Variants in RFC3 observed in about 807,000 individuals in gnomAD.
The protein encoded by RFC3 is A1 38 kDa subunit.
RFC3 carries 41 observed loss-of-function variants against 45.1 expected under a neutral mutation model. That is an observed-to-expected ratio of 0.91 (90% CI 0.71 to 1.18). The LOEUF (loss-of-function observed/expected upper bound fraction) is 1.18, where lower values mean the gene tolerates loss of function less well. RFC3 is among the 50% of genes most tolerant of loss of function. The pLI, the probability that RFC3 is intolerant of heterozygous loss-of-function variation, is 0.00. For synonymous variants in RFC3, 149 were observed against 144.0 expected, an observed-to-expected ratio of 1.03 and a Z score of -0.25; for missense variants, 423 against 428.1, an observed-to-expected ratio of 0.99 and a Z score of 0.10.
chr13:33,902,721 C>T (rs2082649206), intron 8 of RFC3, among the ~76,000 whole-genome samples: 1 of 151,920 alleles, frequency 6.6e-6, no homozygotes, highest in South Asian at 2.1e-4. Flanking sequence ...TATAGTAGCC[C>T]CTCTATGTCT....
Position 33,908,489 on chromosome 13 carries a change from G to C in RFC3, c.880-57598G>C, listed in dbSNP as rs573688757. Among the ~76,000 whole-genome samples, 9 of 152,006 alleles carry C rather than the reference G, an allele frequency of 5.9e-5. No homozygotes were observed. The South Asian group carries it at 1.9e-3, about 32-fold the overall frequency. On this transcript the variant is annotated intron_variant, in intron 8 of 8. Transcript: ENST00000434425. The stretch of plus-strand genomic sequence containing the variant: ...GGAGATCATCAGCTCCACAAAATTG[G>C]CTGGAGAATTATTATTATTGCAGAG...
At chr13:33,866,457 C>T (rs148665046) in intron 8 of RFC3, among the ~76,000 whole-genome samples, 5 of 152,324 alleles carry the variant, frequency 3.3e-5, no homozygotes, top group Non-Finnish European at 5.9e-5. Context: ...ATTGGAAGCT[C>T]ACTATAGCTT....
chr13:33,904,728 G>A (rs17080117), intron 8 of RFC3, among the ~76,000 whole-genome samples: 5 of 151,830 alleles, frequency 3.3e-5, no homozygotes, highest in Non-Finnish European at 7.4e-5. Context: ...TTCTCTCGCC[G>A]CAATTTCTTC....
At chr13:33,914,991 A>C (rs1385576441) in intron 8 of RFC3, among the ~76,000 whole-genome samples, 1 of 152,176 alleles carries the variant, frequency 6.6e-6, no homozygotes, top group Non-Finnish European at 1.5e-5. Context: ...TTAAATGTGA[A>C]CACCACAAAG....
chr13:33,913,269 C>G (rs17080146), intron 8 of RFC3, among the ~76,000 whole-genome samples: 16,764 of 152,010 alleles, frequency 0.11, 1,216 homozygotes, highest in Admixed American at 0.21. Flanking sequence ...CCAACAGGCT[C>G]TAATTGAGCT....
chr13:33,874,094 C>T (rs937873713), intron 8 of RFC3, among the ~76,000 whole-genome samples: 4 of 152,156 alleles, frequency 2.6e-5, no homozygotes, highest in African/African-American at 4.8e-5. Context: ...TTAATTTATG[C>T]GCCATCATCC....
chr13:33,821,042 C>G, intron 1 of RFC3, 90 bp from the exon 2 acceptor site: 1 of 1,313,946 alleles, frequency 7.6e-7, no homozygotes, highest in Admixed American at 2.1e-5. Flanking sequence ...TGGGTAGACA[C>G]ATAAAATATT....
intron 8 of RFC3, among the ~76,000 whole-genome samples, chr13:33,894,397 C>G (rs565758285): frequency 6.2e-4 from 95 of 152,288 alleles, no homozygotes; most frequent in African/African-American, 2.0e-3. Flanking sequence ...TCTTACCTCA[C>G]AGGAGACCTC....
rs188195181 is a variant in RFC3, at chr13:33,888,932, G to T, written c.879+53715G>T. On this transcript the variant is annotated intron_variant, in intron 8 of 8. Coordinates refer to the RFC3 transcript ENST00000434425. Reference sequence around the variant, plus strand: ...GGCTAATTTTTGTATTTTTAGTAGAGACGGGGTTTCACCGTGTTAGCCAGG... The same window carrying T: ...GGCTAATTTTTGTATTTTTAGTAGATACGGGGTTTCACCGTGTTAGCCAGG... Among the ~76,000 whole-genome samples, 50 of 152,178 alleles carry T rather than the reference G, an allele frequency of 3.3e-4. 1 individual carries two copies. In the South Asian group the frequency reaches 4.6e-3, roughly 14 times the overall value.
At chr13:33,823,709 A>G (rs2139384323) in intron 2 of RFC3, among the ~76,000 whole-genome samples, 1 of 152,222 alleles carries the variant, frequency 6.6e-6, no homozygotes, top group Middle Eastern at 3.4e-3. Context: ...AGTAGTCACA[A>G]TGAAACAGGA....
At chr13:33,883,590 T>C (rs1004551870) in intron 8 of RFC3, among the ~76,000 whole-genome samples, 2 of 152,160 alleles carry the variant, frequency 1.3e-5, no homozygotes, top group African/African-American at 4.8e-5. Flanking sequence ...TCACTATCAA[T>C]ATCCTGGTTG....
chr13:33,888,642 A>G (rs1333844123), intron 8 of RFC3, among the ~76,000 whole-genome samples: 1 of 152,190 alleles, frequency 6.6e-6, no homozygotes, highest in South Asian at 2.1e-4. Context: ...TCCAGATCTC[A>G]TATAGCAGAT....
intron 8 of RFC3, among the ~76,000 whole-genome samples, chr13:33,942,281 A>G (rs1433623756): frequency 6.6e-6 from 1 of 152,132 alleles, no homozygotes; most frequent in Non-Finnish European, 1.5e-5. Flanking sequence ...ATAATGACTA[A>G]TGGCCTGAAG....
intron 8 of RFC3, among the ~76,000 whole-genome samples, chr13:33,961,089 C>G (rs1010309552): frequency 5.9e-5 from 9 of 152,214 alleles, no homozygotes; most frequent in African/African-American, 1.7e-4. Flanking sequence ...TTTATACTTA[C>G]AGTAAAACAT....
intron 8 of RFC3, among the ~76,000 whole-genome samples, chr13:33,965,629 C>A (rs1029320110): frequency 5.9e-5 from 9 of 152,136 alleles, no homozygotes; most frequent in African/African-American, 2.2e-4. Context: ...ATTGTTATTG[C>A]ATTTTTATAA....
intron 8 of RFC3, among the ~76,000 whole-genome samples, chr13:33,913,012 T>G (rs1413344283): frequency 6.6e-5 from 10 of 151,980 alleles, no homozygotes; most frequent in Non-Finnish European, 1.5e-5. Context: ...CAGGGGACAC[T>G]GGGAGAGGGA....
chr13:33,939,957 C>G (rs1422181594), intron 8 of RFC3, among the ~76,000 whole-genome samples: 1 of 152,080 alleles, frequency 6.6e-6, no homozygotes, highest in Admixed American at 6.6e-5. Context: ...TATGTTCACT[C>G]TATTTTTTTC....
chr13:33,919,733 A>G (rs956339978), intron 8 of RFC3, among the ~76,000 whole-genome samples: 2 of 152,154 alleles, frequency 1.3e-5, no homozygotes, highest in African/African-American at 4.8e-5. Flanking sequence ...TGTCAAAATT[A>G]TATTGAAGAG....
At chr13:33,829,674 A>G in intron 4 of RFC3, 162 bp from the exon 5 acceptor site, 1 of 643,520 alleles carries the variant, frequency 1.6e-6, no homozygotes, top group South Asian at 1.8e-5. Flanking sequence ...AAAATAATAA[A>G]GTAATTTTAC....
Sources: gnomAD v4.1 joint callset for allele counts (sites outside exome capture counted in the v4.1 genomes callset) on GRCh38, gnomAD v4.1.1 for gene constraint, MANE v1.5 for transcripts, NCBI Gene and HGNC (gene_info 2026-07-23, HGNC 2026-07-21) for gene names.